Variants in DLGAP2 observed in about 807,000 individuals in gnomAD.
DLGAP2 encodes disks large-associated protein 2.
Under a neutral mutation model 100.3 loss-of-function variants are expected in DLGAP2, and 26 were observed. That is an observed-to-expected ratio of 0.26 (90% CI 0.19 to 0.36). The LOEUF (loss-of-function observed/expected upper bound fraction) is 0.36, where lower values mean the gene tolerates loss of function less well. Among genes scored for constraint, DLGAP2 ranks in the 10% least tolerant of loss-of-function variants. The pLI is 1.00. For missense variants in DLGAP2, 1,858 were observed against 1,453.2 expected (o/e 1.28, Z -4.53); for synonymous variants, 886 against 630.1 (o/e 1.41, Z -6.08).
At chr8:1,200,489 G>C (rs891100219) in intron 2 of DLGAP2, among the ~76,000 whole-genome samples, 1 of 152,088 alleles carries the variant, frequency 6.6e-6, no homozygotes, top group Non-Finnish European at 1.5e-5. Context: ...ATCTGGCCTC[G>C]TGCTCCTCGG....
At chr8:1,338,774 G>C (rs183395638) in intron 3 of DLGAP2, among the ~76,000 whole-genome samples, 2 of 152,318 alleles carry the variant, frequency 1.3e-5, no homozygotes, top group East Asian at 3.9e-4. Context: ...TGTGGAGACT[G>C]AACGGGAAGT....
rs76422578 is a variant in DLGAP2, at chr8:1,273,283, G to A, written c.106+14400G>A. Among the ~76,000 whole-genome samples the A allele has an allele frequency of 5.2e-3, 713 of 137,470 alleles. 1 individual carries two copies. Among genetic ancestry groups the A allele is most frequent in the Middle Eastern group, 0.02 (5 of 244 alleles). 90.2% of individuals were successfully genotyped at this position (137,470 alleles called of 152,430 possible). A position where few individuals can be genotyped will look rare whatever the true frequency, so the allele number is the denominator to read the frequency against. On this transcript the variant is annotated intron_variant, in intron 3 of 14. Transcript: ENST00000637795. ...AAGAGGTGGGAGCAGTAGGAAGTCC[G>A]GGAGCCACGTGGGCTGCTCTGAGAG...
At chr8:1,371,331 G>C (rs548559227) in intron 3 of DLGAP2, among the ~76,000 whole-genome samples, 61 of 152,324 alleles carry the variant, frequency 4.0e-4, no homozygotes, top group African/African-American at 1.3e-3. Flanking sequence ...CCTGGCTGGT[G>C]CTGTATCCTC....
At chr8:1,088,180 A>T (rs1383758690) in intron 2 of DLGAP2, among the ~76,000 whole-genome samples, 2 of 152,152 alleles carry the variant, frequency 1.3e-5, no homozygotes, top group African/African-American at 2.4e-5. Context: ...CATCCCCTAA[A>T]TGGGCCCTGC....
At chr8:1,308,319 A>AT (rs1168721029) in intron 3 of DLGAP2, among the ~76,000 whole-genome samples, 2 of 152,186 alleles carry the variant, frequency 1.3e-5, no homozygotes, top group African/African-American at 4.8e-5. Flanking sequence ...CACACGGCAA[A>AT]TAATACAGTG....
chr8:1,316,468 A>C (rs1336010428), intron 3 of DLGAP2, among the ~76,000 whole-genome samples: 2 of 132,330 alleles, frequency 1.5e-5, no homozygotes, highest in African/African-American at 5.5e-5. Flanking sequence ...GGCAGCTTTT[A>C]AAAATAGAGC....
intron 1 of DLGAP2, among the ~76,000 whole-genome samples, chr8:789,349 A>G (rs763037269): frequency 3.3e-5 from 5 of 152,206 alleles, no homozygotes; most frequent in Non-Finnish European, 5.9e-5. Flanking sequence ...TGGCCGGAGC[A>G]GGAGGAAGAG....
chr8:860,982 A>C (rs1441105650), intron 1 of DLGAP2, among the ~76,000 whole-genome samples: 1 of 152,278 alleles, frequency 6.6e-6, no homozygotes, highest in East Asian at 1.9e-4. Context: ...CTGGACAAAT[A>C]TTCCATACAT....
At chr8:849,326 C>T (rs77192510) in intron 1 of DLGAP2, among the ~76,000 whole-genome samples, 1,881 of 152,264 alleles carry the variant, frequency 0.012, 44 homozygotes, top group African/African-American at 0.043. Context: ...AGGAACGAGC[C>T]GGTGTTTCTA....
intron 8 of DLGAP2, among the ~76,000 whole-genome samples, chr8:1,655,996 CA>C (rs1798275529): frequency 6.6e-6 from 1 of 152,186 alleles, no homozygotes; most frequent in East Asian, 1.9e-4. Context: ...CAGAGGAACC[CA>C]AGTGTAATGG....
At chr8:1,598,084 A>G (rs965409793) in intron 6 of DLGAP2, among the ~76,000 whole-genome samples, 1 of 152,206 alleles carries the variant, frequency 6.6e-6, no homozygotes, top group African/African-American at 2.4e-5. Flanking sequence ...GCAGTGTCGA[A>G]TTTTATTGCA....
chr8:880,166 C>T (rs915823851), intron 1 of DLGAP2, among the ~76,000 whole-genome samples: 11 of 152,142 alleles, frequency 7.2e-5, no homozygotes, highest in South Asian at 6.2e-4. Flanking sequence ...TTCTTGGCCC[C>T]GCCCCTTCTC....
chr8:1,534,969 T>A (rs763935096), intron 4 of DLGAP2, among the ~76,000 whole-genome samples: 1 of 152,234 alleles, frequency 6.6e-6, no homozygotes, highest in African/African-American at 2.4e-5. Flanking sequence ...ATTTCCAAGG[T>A]GGCCTTTTGA....
chr8:1,623,458 AGC>A (rs1797402747), intron 6 of DLGAP2, among the ~76,000 whole-genome samples: 1 of 151,552 alleles, frequency 6.6e-6, no homozygotes, highest in African/African-American at 2.4e-5. Flanking sequence ...ACCTGACACC[AGC>A]GCGCAATGAC....
chr8:1,686,930 T>G (rs1288140253), intron 12 of DLGAP2, among the ~76,000 whole-genome samples: 1 of 152,250 alleles, frequency 6.6e-6, no homozygotes, highest in African/African-American at 2.4e-5. Flanking sequence ...CCAGTCATCC[T>G]GATTTGATCT....
rs13252988 is a variant in DLGAP2 at position 801,967 on chromosome 8, G to A, written c.18+64142G>A. Among the ~76,000 whole-genome samples, 56 of 144,302 alleles carry A rather than the reference G, an allele frequency of 3.9e-4. 1 individual carries two copies. The highest frequency in any genetic ancestry group is 3.6e-3 in the Middle Eastern group (1 of 274). 94.7% of individuals were successfully genotyped at this position (144,302 alleles called of 152,430 possible). The stretch of plus-strand genomic sequence containing the variant: ...CTCCGTCCTCACGGCCTGGGGAACG[G>A]TCTGCACCCCTCCTGGGTCCTCTGT... On this transcript the variant is annotated intron_variant, in intron 1 of 14. Transcript: ENST00000637795.
At chr8:1,174,266 A>G (rs1307247938) in intron 2 of DLGAP2, among the ~76,000 whole-genome samples, 1 of 152,072 alleles carries the variant, frequency 6.6e-6, no homozygotes, top group Non-Finnish European at 1.5e-5. Context: ...ACCCATCACC[A>G]CCATCACCAC....
intron 3 of DLGAP2, among the ~76,000 whole-genome samples, chr8:1,345,063 C>G (rs1801523112): frequency 6.6e-6 from 1 of 152,208 alleles, no homozygotes; most frequent in South Asian, 2.1e-4. Flanking sequence ...GCTCAGTTAT[C>G]TGGCCCTTTG....
At chr8:1,511,176 A>G (rs181534529) in intron 4 of DLGAP2, among the ~76,000 whole-genome samples, 3 of 149,984 alleles carry the variant, frequency 2.0e-5, no homozygotes, top group South Asian at 2.1e-4. Context: ...AGGACAATCA[A>G]TAGATGACCA....
Sources: gnomAD v4.1 joint callset for allele counts (sites outside exome capture counted in the v4.1 genomes callset) on GRCh38, gnomAD v4.1.1 for gene constraint, MANE v1.5 for transcripts, NCBI Gene and HGNC (gene_info 2026-07-23, HGNC 2026-07-21) for gene names.